ZNF423: variants seen among roughly 807,000 people sequenced by gnomAD.
ZNF423 encodes Ebf-associated zinc finger protein.
ZNF423 carries 12 observed loss-of-function variants against 95.8 expected under a neutral mutation model. The ratio of observed to expected loss-of-function variants is 0.13; its 90% confidence interval spans 0.08 to 0.20. The LOEUF (loss-of-function observed/expected upper bound fraction) is 0.20, where lower values mean the gene tolerates loss of function less well. ZNF423 is among the 10% of genes least tolerant of loss of function. ZNF423 has a pLI of 1.00. For missense variants in ZNF423, 1,316 were observed against 1,737.1 expected, an observed-to-expected ratio of 0.76 and a Z score of 4.31; for synonymous variants, 749 against 711.9, an observed-to-expected ratio of 1.05 and a Z score of -0.83.
At chr16:49,649,781 G>A (rs888758462) in intron 3 of ZNF423, among the ~76,000 whole-genome samples, 1 of 152,046 alleles carries the variant, frequency 6.6e-6, no homozygotes, top group African/African-American at 2.4e-5. Context: ...GACATCAAAA[G>A]TCCACCCTGG....
intron 1 of ZNF423, among the ~76,000 whole-genome samples, chr16:49,849,332 T>C (rs945645613): frequency 6.6e-6 from 1 of 151,990 alleles, no homozygotes; most frequent in African/African-American, 2.4e-5. Context: ...TTTGCCAGGG[T>C]CCCATCGACC....
chr16:49,772,208 G>A (rs528168206), intron 2 of ZNF423, among the ~76,000 whole-genome samples: 5 of 152,326 alleles, frequency 3.3e-5, no homozygotes, highest in South Asian at 2.1e-4. Context: ...GAGTGCCGAC[G>A]TCCAAGGGCA....
chr16:49,673,450 G>A (rs913601865), intron 3 of ZNF423, among the ~76,000 whole-genome samples: 3 of 152,206 alleles, frequency 2.0e-5, no homozygotes, highest in Admixed American at 1.3e-4. Flanking sequence ...AGCGCTAACC[G>A]AGGCTGGCCT....
intron 3 of ZNF423, among the ~76,000 whole-genome samples, chr16:49,712,313 C>T (rs545423800): frequency 2.0e-5 from 3 of 152,076 alleles, no homozygotes; most frequent in East Asian, 1.9e-4. Context: ...GTGGGGCTCG[C>T]GTGCCTGAGC....
chr16:49,773,187 T>C (rs1236011235), intron 2 of ZNF423, among the ~76,000 whole-genome samples: 1 of 151,986 alleles, frequency 6.6e-6, no homozygotes, highest in Non-Finnish European at 1.5e-5. Flanking sequence ...GACATGGTGG[T>C]GGGTGCCTGT....
chr16:49,687,110 T>C (rs2031593739), intron 3 of ZNF423, among the ~76,000 whole-genome samples: 1 of 151,992 alleles, frequency 6.6e-6, no homozygotes, highest in Admixed American at 6.5e-5. Context: ...CCTGAGTTAC[T>C]GTTCATACAC....
chr16:49,764,490 T>C (rs917328755), intron 2 of ZNF423: 5 of 153,050 alleles, frequency 3.3e-5, no homozygotes, highest in African/African-American at 7.3e-5. Context: ...AGGACTGTGA[T>C]GTTACAGAAA....
chr16:49,625,573 G>A (rs760905822), intron 5 of ZNF423, among the ~76,000 whole-genome samples: 3 of 152,256 alleles, frequency 2.0e-5, no homozygotes, highest in Middle Eastern at 3.4e-3. Flanking sequence ...CTCCTACAAT[G>A]AGGGCACCCC....
chr16:49,799,463 C>A (rs999925114), intron 1 of ZNF423, among the ~76,000 whole-genome samples: 2 of 151,718 alleles, frequency 1.3e-5, no homozygotes, highest in African/African-American at 4.8e-5. Flanking sequence ...GATGCCTCAG[C>A]ATCACTGCTT....
intron 1 of ZNF423, among the ~76,000 whole-genome samples, chr16:49,808,688 C>T (rs1196475221): frequency 6.6e-6 from 1 of 152,186 alleles, no homozygotes; most frequent in Non-Finnish European, 1.5e-5. Flanking sequence ...ATGCTGGCTA[C>T]ACACTCTGGC....
intron 5 of ZNF423, among the ~76,000 whole-genome samples, chr16:49,619,275 C>T (rs2151854811): frequency 6.6e-6 from 1 of 152,202 alleles, no homozygotes; most frequent in African/African-American, 2.4e-5. Flanking sequence ...ACAGAGCCCA[C>T]CGAGGATTTT....
chr16:49,711,548 C>G (rs1009176327), intron 3 of ZNF423: 7 of 152,160 alleles, frequency 4.6e-5, no homozygotes, highest in African/African-American at 1.7e-4. Context: ...GAACGTAAGA[C>G]ACCGTGGATG....
intron 1 of ZNF423, among the ~76,000 whole-genome samples, chr16:49,827,620 A>AT (rs887345878): frequency 5.9e-5 from 9 of 152,058 alleles, no homozygotes; most frequent in African/African-American, 2.2e-4. Context: ...GGCTCCGGCA[A>AT]TTCTCTCACC....
intron 5 of ZNF423, among the ~76,000 whole-genome samples, chr16:49,585,004 G>C (rs1419465625): frequency 6.6e-6 from 1 of 152,070 alleles, no homozygotes; most frequent in African/African-American, 2.4e-5. Context: ...AGTGCACCAG[G>C]CTCCTCTAAG....
intron 3 of ZNF423, among the ~76,000 whole-genome samples, chr16:49,691,528 C>T (rs973474230): frequency 6.6e-6 from 1 of 152,104 alleles, no homozygotes; most frequent in Admixed American, 6.5e-5. Context: ...ATCAGGAGAT[C>T]GAGAACATCC....
intron 1 of ZNF423, among the ~76,000 whole-genome samples, chr16:49,801,148 G>A (rs149301528): frequency 2.0e-5 from 3 of 152,318 alleles, no homozygotes; most frequent in African/African-American, 4.8e-5. Context: ...GCCTGGGTAC[G>A]TTGGCAGCCC....
At chr16:49,819,467 A>G (rs1017656899) in intron 1 of ZNF423, among the ~76,000 whole-genome samples, 4 of 151,298 alleles carry the variant, frequency 2.6e-5, no homozygotes, top group African/African-American at 7.3e-5. Context: ...TTTTTTTTTG[A>G]GACAGAATCT....
chr16:49,751,897 A>G (rs2033639431), intron 2 of ZNF423, among the ~76,000 whole-genome samples: 1 of 152,028 alleles, frequency 6.6e-6, no homozygotes. Context: ...GCTAAGGTTC[A>G]GTGGTTCAGA....
intron 3 of ZNF423, among the ~76,000 whole-genome samples, chr16:49,712,801 T>G (rs1361295391): frequency 6.6e-6 from 1 of 152,218 alleles, no homozygotes; most frequent in Non-Finnish European, 1.5e-5. Context: ...AAATACATAA[T>G]GAACAAAGAG....
Sources: gnomAD v4.1 joint callset for allele counts (sites outside exome capture counted in the v4.1 genomes callset) on GRCh38, gnomAD v4.1.1 for gene constraint, MANE v1.5 for transcripts, NCBI Gene and HGNC (gene_info 2026-07-23, HGNC 2026-07-21) for gene names.